Variants in CATSPERT observed in about 807,000 individuals in gnomAD.
The protein encoded by CATSPERT is catsper channel auxiliary subunit tau.
chr2:201,609,555 AAC>A, the CATSPERT span, among the ~76,000 whole-genome samples: 1 of 152,218 alleles, frequency 6.6e-6, no homozygotes, highest in East Asian at 1.9e-4. Flanking sequence ...AAACTGTACA[AAC>A]ACAGGTAAAT....
At chr2:201,563,509 G>C in the CATSPERT span, among the ~76,000 whole-genome samples, 2 of 150,452 alleles carry the variant, frequency 1.3e-5, no homozygotes, top group Non-Finnish European at 3.0e-5. Context: ...TGGCCGGGCA[G>C]AGGGGCTCCT....
chr2:201,545,252 T>A, the CATSPERT span, among the ~76,000 whole-genome samples: 1 of 151,944 alleles, frequency 6.6e-6, no homozygotes, highest in Non-Finnish European at 1.5e-5. Flanking sequence ...TTGGCCAGGC[T>A]GGTCTTGAAC....
At chr2:201,555,882 T>C in the CATSPERT span, 3 of 152,174 alleles carry the variant, frequency 2.0e-5, no homozygotes, top group African/African-American at 7.2e-5. Flanking sequence ...AATATATTAA[T>C]TATAGCCTAA....
chr2:201,549,233 G>A, the CATSPERT span, among the ~76,000 whole-genome samples: 188 of 152,142 alleles, frequency 1.2e-3, no homozygotes, highest in African/African-American at 4.4e-3. Flanking sequence ...AGAAACTAAA[G>A]TGTAAGACCT....
the CATSPERT span, among the ~76,000 whole-genome samples, chr2:201,611,942 C>A: frequency 6.6e-6 from 1 of 152,152 alleles, no homozygotes; most frequent in Non-Finnish European, 1.5e-5. Flanking sequence ...AGACAGGATG[C>A]AGATTTGCTT....
the CATSPERT span, chr2:201,536,133 C>T: frequency 6.2e-6 from 10 of 1,613,458 alleles, no homozygotes; most frequent in African/African-American, 4.0e-5. Flanking sequence ...TTCTGATTGA[C>T]GTTCACCTAA....
the CATSPERT span, among the ~76,000 whole-genome samples, chr2:201,558,717 G>A: frequency 6.6e-6 from 1 of 152,156 alleles, no homozygotes; most frequent in Middle Eastern, 3.2e-3. Flanking sequence ...AGGAACGCAA[G>A]GTATGCTCCC....
At chr2:201,526,292 G>A in the CATSPERT span, among the ~76,000 whole-genome samples, 2 of 152,150 alleles carry the variant, frequency 1.3e-5, no homozygotes, top group Non-Finnish European at 2.9e-5. Context: ...GCTGAGGCAG[G>A]TGGATCACTT....
chr2:201,613,221 A>G, the CATSPERT span, among the ~76,000 whole-genome samples: 1 of 152,210 alleles, frequency 6.6e-6, no homozygotes, highest in Non-Finnish European at 1.5e-5. Context: ...CCTAGCACGG[A>G]GTTTGAGATC....
chr2:201,575,534 C>T, the CATSPERT span, among the ~76,000 whole-genome samples: 5 of 152,064 alleles, frequency 3.3e-5, no homozygotes, highest in Non-Finnish European at 5.9e-5. Context: ...CTCACATTAC[C>T]GCCTGAGCTT....
the CATSPERT span, among the ~76,000 whole-genome samples, chr2:201,604,308 C>A: frequency 2.0e-5 from 3 of 152,062 alleles, no homozygotes; most frequent in Non-Finnish European, 2.9e-5. Context: ...TACTGATTCC[C>A]AGGCTCCTCT....
chr2:201,565,025 AAAG>A, the CATSPERT span, among the ~76,000 whole-genome samples: 2 of 53,474 alleles, frequency 3.7e-5, no homozygotes, highest in Non-Finnish European at 8.5e-5. Flanking sequence ...TAGAAACAAG[AAAG>A]AGCCTGTGAA....
chr2:201,494,778 G>T, the CATSPERT span: 1 of 1,476,934 alleles, frequency 6.8e-7, no homozygotes, highest in South Asian at 1.4e-5. Flanking sequence ...TTAAAAAAAA[G>T]GTAAGACATT....
the CATSPERT span, among the ~76,000 whole-genome samples, chr2:201,533,981 G>T: frequency 6.6e-6 from 1 of 152,040 alleles, no homozygotes; most frequent in Non-Finnish European, 1.5e-5. Flanking sequence ...ACAAGTAGAA[G>T]CCCCATGGAG....
the CATSPERT span, chr2:201,582,257 G>C: frequency 6.4e-7 from 1 of 1,552,830 alleles, no homozygotes; most frequent in Non-Finnish European, 8.7e-7. Context: ...CATTAAATTT[G>C]AGCCTAAATA....
chr2:201,506,916 G>A, the CATSPERT span, among the ~76,000 whole-genome samples: 1 of 152,166 alleles, frequency 6.6e-6, no homozygotes, highest in Non-Finnish European at 1.5e-5. Flanking sequence ...GATTAAAAAA[G>A]TGCTTTCCTA....
chr2:201,489,954 T>A, the CATSPERT span, among the ~76,000 whole-genome samples: 16 of 152,146 alleles, frequency 1.1e-4, no homozygotes, highest in South Asian at 3.3e-3. Flanking sequence ...CCTCCTGGGT[T>A]CAAGCGATTC....
the CATSPERT span, among the ~76,000 whole-genome samples, chr2:201,529,761 G>A: frequency 6.6e-6 from 1 of 152,064 alleles, no homozygotes; most frequent in Non-Finnish European, 1.5e-5. Context: ...AAATGGAGTT[G>A]CATCAAATCA....
chr2:201,606,499 A>G, the CATSPERT span, among the ~76,000 whole-genome samples: 1 of 152,228 alleles, frequency 6.6e-6, no homozygotes, highest in Admixed American at 6.5e-5. Context: ...AAAATACATG[A>G]AACAGGCATT....
Sources: allele counts gnomAD v4.1 joint callset (sites outside exome capture counted in the v4.1 genomes callset), GRCh38; gene constraint gnomAD v4.1.1; transcripts MANE v1.5; gene names NCBI Gene and HGNC (gene_info 2026-07-23, HGNC 2026-07-21).